NLRP3: variants seen among roughly 807,000 people sequenced by gnomAD.
The protein encoded by NLRP3 is NACHT, LRR and PYD domains-containing protein 3.
Under a neutral mutation model 91.3 loss-of-function variants are expected in NLRP3, and 48 were observed. The ratio of observed to expected loss-of-function variants is 0.53; its 90% CI spans 0.42 to 0.67. The LOEUF (loss-of-function observed/expected upper bound fraction) is 0.67, where lower values mean the gene tolerates loss of function less well. Ranked by LOEUF, NLRP3 falls within the 30% of genes least tolerant of loss-of-function variation. The pLI is 0.00. For missense variants in NLRP3, 982 were observed against 1,276.9 expected, an observed-to-expected ratio of 0.77 and a Z score of 3.52; for synonymous variants, 561 against 507.9, an observed-to-expected ratio of 1.10 and a Z score of -1.41.
In NLRP3 at chr1:247,418,582, G is replaced by A. The variant is rs1282180723; in HGVS notation, c.-219G>A. 29 of 574,604 alleles carry A rather than the reference G, an allele frequency of 5.0e-5. No individual in the cohort carries two copies. The East Asian group carries it at 5.8e-4, about 11-fold the overall frequency. The allele number at this position is 574,604 out of a possible 1,614,324, so 35.6% of individuals were successfully genotyped here. A position where few individuals can be genotyped will look rare whatever the true frequency, so the allele number is the denominator to read the frequency against. On this transcript the variant is annotated 5_prime_UTR_variant, in exon 2 of 10. The change creates a new upstream start codon in the 5' untranslated region. Coordinates refer to ENST00000336119, the MANE Select transcript of NLRP3 (RefSeq NM_001243133.2). ...CTCTCAAAGTGCTGGGATTACAGGCGTGAGCCACTGTGCCCGGCCTTGGCT... is the reference window on the plus strand; with the variant it reads ...CTCTCAAAGTGCTGGGATTACAGGCATGAGCCACTGTGCCCGGCCTTGGCT...
intron 4 of NLRP3, among the ~76,000 whole-genome samples, chr1:247,427,791 T>C (rs1663009627): frequency 3.4e-4 from 17 of 50,506 alleles, no homozygotes; most frequent in African/African-American, 5.3e-4. Context: ...TCAGCACCCA[T>C]TTCTCTAGAT....
At chr1:247,420,862 C>T (rs886195345) in intron 2 of NLRP3, among the ~76,000 whole-genome samples, 1 of 152,210 alleles carries the variant, frequency 6.6e-6, no homozygotes, top group African/African-American at 2.4e-5. Context: ...CCCTGGGCAC[C>T]TGCCATGATT....
At chr1:247,446,623 C>G (rs1664602993) in intron 9 of NLRP3, among the ~76,000 whole-genome samples, 1 of 152,172 alleles carries the variant, frequency 6.6e-6, no homozygotes, top group South Asian at 2.1e-4. Context: ...CCTAAATTCT[C>G]TGCTTAAAGG....
At position 247,423,852 on chromosome 1, in the gene NLRP3, C is replaced by G; in HGVS notation, c.403C>G (p.Arg135Gly). 1.9e-6 allele frequency: 3 copies of G among 1,613,538 alleles called. No individual in the cohort carries two copies. The highest frequency in any genetic ancestry group is 2.5e-6 in the Non-Finnish European group (3 of 1,179,880). The change falls in exon 4 of 10, where the codon CGT becomes GGT. Residue 135 changes from arginine to glycine, a missense_variant. Around this residue, in one of 5 missense-constraint regions of NLRP3, gnomAD observed 548 missense variants for 713.7 expected, o/e 0.77. Coordinates refer to ENST00000336119, the MANE Select transcript of NLRP3 (RefSeq NM_001243133.2). Reference protein sequence around the residue: ...ISICKMKKDYRKKYRKYVRSR... With the variant: ...ISICKMKKDYGKKYRKYVRSR... ...ACTTCCTGTCTTTGCCGTAGATTAC[C>G]GTAAGAAGTACAGAAAGTACGTGAG...
intron 9 of NLRP3, 135 bp from the exon 10 acceptor site, chr1:247,448,268 CTT>C (rs58966539): frequency 0.18 from 63,593 of 346,784 alleles, 1,949 homozygotes; most frequent in African/African-American, 0.21. Flanking sequence ...TGTGGTCCCT[CTT>C]TTTTTTTTTT....
chr1:247,417,876 TTCTCTCTCCTC>T (rs1323706603), intron 1 of NLRP3, among the ~76,000 whole-genome samples, 166 bp from the exon 2 acceptor site: 1 of 152,194 alleles, frequency 6.6e-6, no homozygotes, highest in Non-Finnish European at 1.5e-5. Context: ...AGCTTTTATG[TTCTCTCTCCTC>T]TCTCCCTAGC....
At chr1:247,427,951 A>C (rs1663023065) in intron 4 of NLRP3, among the ~76,000 whole-genome samples, 1 of 113,124 alleles carries the variant, frequency 8.8e-6, no homozygotes, top group Non-Finnish European at 1.8e-5. Flanking sequence ...TCTAGATAGC[A>C]CCTTCCTTCC....
chr1:247,431,474 G>A (rs10925017), intron 5 of NLRP3, among the ~76,000 whole-genome samples: 52,331 of 151,798 alleles, frequency 0.34, 10,344 homozygotes, highest in South Asian at 0.46. Context: ...ACTTTTCCTC[G>A]TCCTCACCCC....
intron 7 of NLRP3, 82 bp from the exon 8 acceptor site, chr1:247,443,890 G>A: frequency 1.5e-6 from 2 of 1,372,660 alleles, no homozygotes; most frequent in South Asian, 1.2e-5. Flanking sequence ...TGCTGAGAGA[G>A]GACGAGGCAC....
chr1:247,448,174 A>T (rs1291112927), intron 9 of NLRP3, among the ~76,000 whole-genome samples: 1 of 151,286 alleles, frequency 6.6e-6, no homozygotes, highest in Non-Finnish European at 1.5e-5. Flanking sequence ...TGGCCCAGGC[A>T]TTCTTGAAGA....
intron 8 of NLRP3, 118 bp from the exon 9 acceptor site, chr1:247,444,533 T>C: frequency 9.3e-7 from 1 of 1,072,614 alleles, no homozygotes; most frequent in Non-Finnish European, 1.4e-6. Context: ...TAGTTAGTCC[T>C]GTGCTCCTGT....
At chr1:247,436,931 A>T (rs913222743) in intron 7 of NLRP3, among the ~76,000 whole-genome samples, 9 of 152,214 alleles carry the variant, frequency 5.9e-5, no homozygotes, top group African/African-American at 1.9e-4. Context: ...CTTCAGAAAG[A>T]TGCTATAGGG....
rs1664424098 is a variant in NLRP3, at chr1:247,444,035, T to A, written c.2727T>A (p.Asn909Lys). Residue 909 changes from asparagine (N) to lysine (K), a missense_variant, in exon 8 of 10, where the codon AAT (asparagine) becomes AAA (lysine). By Grantham distance (94) the Asn-to-Lys change is moderately conservative. Coordinates refer to ENST00000336119, the MANE Select transcript of NLRP3 (RefSeq NM_001243133.2). ...CTTTGTCCTCGGTACTCAGCACTAATCAGAATCTCACGCACCTTTACCTGC... is the reference window on the plus strand; with the variant it reads ...CTTTGTCCTCGGTACTCAGCACTAAACAGAATCTCACGCACCTTTACCTGC... ...CSALSSVLSTNQNLTHLYLRG... is the reference protein window; with the variant it reads ...CSALSSVLSTKQNLTHLYLRG... 1 of 1,614,114 alleles carries A rather than the reference T, an allele frequency of 6.2e-7. No homozygotes were observed. Among genetic ancestry groups the A allele is most frequent in the Admixed American group, 1.7e-5 (1 of 60,012 alleles).
rs763551829 is a variant in NLRP3 at position 247,418,876 on chromosome 1, C to T, written c.76C>T (p.His26Tyr). The T allele has an allele frequency of 1.2e-6, 2 of 1,614,068 alleles. No individual in the cohort carries two copies. Among genetic ancestry groups the T allele is most frequent in the Non-Finnish European group, 1.7e-6 (2 of 1,180,022 alleles). The change falls in exon 2 of 10, where the codon CAC (histidine) becomes TAC (tyrosine). Residue 26 changes from histidine (H) to tyrosine (Y), a missense_variant. By Grantham distance (83) the His-to-Tyr change is moderately conservative. Coordinates refer to ENST00000336119, the MANE Select transcript of NLRP3 (RefSeq NM_001243133.2). Reference protein sequence around the residue: ...EDVDLKKFKMHLEDYPPQKGC... With the variant: ...EDVDLKKFKMYLEDYPPQKGC... ...TGTGGACTTGAAGAAATTTAAGATG[C>T]ACTTAGAGGACTATCCTCCCCAGAA...
In NLRP3 at chr1:247,448,567, T is replaced by C. The variant is rs1216229164; in HGVS notation, c.*63T>C. On this transcript the variant is annotated 3_prime_UTR_variant, in exon 10 of 10. Coordinates refer to ENST00000336119, the MANE Select transcript of NLRP3 (RefSeq NM_001243133.2). ...GTCCCTCCAGCTGGGGGCCCTCAGG[T>C]GGAGAGAGCTGCGATCCATCCAGGC... 1 of 952,374 alleles carries C rather than the reference T, an allele frequency of 1.1e-6. No homozygotes were observed. The highest frequency in any genetic ancestry group is 1.6e-5 in the African/African-American group (1 of 62,056). The allele number at this position is 952,374 out of a possible 1,614,324, so 59.0% of individuals were successfully genotyped here. A position where few individuals can be genotyped will look rare whatever the true frequency, so the allele number is the denominator to read the frequency against.
chr1:247,444,138 T>C lies in NLRP3; in HGVS notation c.2830T>C (p.Leu944=), dbSNP rs1664435108. ...GCACCCCGACTGCAAGCTTCAGGTG[T>C]TGGAGTAAGTCCTTTGGTTTATTAC... is the stretch of plus-strand genomic sequence containing the variant. The part of the protein sequence containing the change: ...LLHPDCKLQV[L]ELDNCNLTSH... Residue 944 remains leucine (L), a synonymous_variant, in exon 8 of 10, where the codon TTG becomes CTG. Coordinates refer to ENST00000336119, the MANE Select transcript of NLRP3 (RefSeq NM_001243133.2). 6.2e-7 allele frequency: 1 copy of C among 1,614,208 alleles called. No homozygotes were observed. The highest frequency in any genetic ancestry group is 8.5e-7 in the Non-Finnish European group (1 of 1,180,032).
intron 7 of NLRP3, among the ~76,000 whole-genome samples, chr1:247,437,662 T>G (rs962562989): frequency 2.6e-5 from 4 of 152,200 alleles, no homozygotes; most frequent in Admixed American, 1.3e-4. Context: ...ACAGCAGCAG[T>G]GAGTAAAACA....
At chr1:247,428,333 C>A (rs936114824) in intron 4 of NLRP3, among the ~76,000 whole-genome samples, 2 of 152,256 alleles carry the variant, frequency 1.3e-5, no homozygotes, top group Non-Finnish European at 2.9e-5. Context: ...ACTCTGAGGG[C>A]AGGAGCTTGC....
At position 247,425,351 on chromosome 1, in the gene NLRP3, G is replaced by A. The variant is rs1662792588; in HGVS notation, c.1902G>A (p.Glu634=). 6.2e-7 allele frequency: 1 copy of A among 1,614,198 alleles called. No homozygotes were observed. Among genetic ancestry groups the A allele is most frequent in the Non-Finnish European group, 8.5e-7 (1 of 1,180,034 alleles). The change falls in exon 4 of 10, where the codon GAG becomes GAA. Residue 634 remains glutamate (E), a synonymous_variant. Transcript: ENST00000336119. This position sits in a 1 kb window ranked among gnomAD's most constrained non-coding sequence, Gnocchi z 4.1. ...TGGAATTGTTCTACTGTTTGTACGA[G>A]ATGCAGGAGGAGGACTTCGTGCAAA... The part of the protein sequence containing the change: ...SQLELFYCLY[E]MQEEDFVQRA...
Sources: allele counts gnomAD v4.1 joint callset (sites outside exome capture counted in the v4.1 genomes callset), GRCh38; gene constraint gnomAD v4.1.1; regional missense constraint gnomAD v4.1.1; non-coding constraint Gnocchi (gnomAD v3.1); transcripts MANE v1.5; gene names NCBI Gene and HGNC (gene_info 2026-07-23, HGNC 2026-07-21).